ANK3: variants seen among roughly 807,000 people sequenced by gnomAD.
The protein encoded by ANK3 is ankyrin-3.
ANK3 carries 57 observed loss-of-function variants against 370.9 expected under a neutral mutation model. The observed-to-expected ratio is 0.15, with a 90% CI of 0.12 to 0.19. ANK3 has a LOEUF of 0.19. Ranked by LOEUF, ANK3 falls within the 10% of genes least tolerant of loss-of-function variation. The pLI is 1.00. For missense variants in ANK3, 4,439 were observed against 5,302.1 expected (o/e 0.84, Z 5.06); for synonymous variants, 1,929 against 1,946.3 (o/e 0.99, Z 0.23).
intron 2 of ANK3, among the ~76,000 whole-genome samples, chr10:60,493,079 C>CAAAAAAAA (rs1268736795): frequency 1.6e-5 from 2 of 121,562 alleles, no homozygotes; most frequent in African/African-American, 6.3e-5. Flanking sequence ...GACTCCTTCT[C>CAAAAAAAA]AAAAAAAAAA....
chr10:60,541,080 A>C (rs1389575936), intron 2 of ANK3, among the ~76,000 whole-genome samples: 1 of 151,988 alleles, frequency 6.6e-6, no homozygotes, highest in Non-Finnish European at 1.5e-5. Context: ...ATGTATTGGC[A>C]TGCAACCATG....
At chr10:60,665,323 C>T (rs181491681) in intron 1 of ANK3, among the ~76,000 whole-genome samples, 1 of 152,262 alleles carries the variant, frequency 6.6e-6, no homozygotes, top group African/African-American at 2.4e-5. Context: ...CATCAAAACG[C>T]AGTTATATTC....
At chr10:60,733,290 C>G (rs980077390) in exon 1 of ANK3, 42 of 1,238,132 alleles carry the variant, frequency 3.4e-5, no homozygotes, top group Non-Finnish European at 4.2e-5. Context: ...CCTCGGTGCC[C>G]GCGGGAGAGG....
chr10:60,114,237 G>A lies in ANK3; in HGVS notation c.2936C>T (p.Pro979Leu), dbSNP rs1427146694. 1 of 1,600,524 alleles carries A rather than the reference G, an allele frequency of 6.2e-7. No homozygotes were observed. Among genetic ancestry groups the A allele is most frequent in the Non-Finnish European group, 8.5e-7 (1 of 1,172,700 alleles). ...TTAGGTTACTTACCCAGAATGAATGGGGCTTGAAACAAGATTGACATTGTC... is the reference window on the plus strand; with the variant it reads ...TTAGGTTACTTACCCAGAATGAATGAGGCTTGAAACAAGATTGACATTGTC... Reference protein sequence around the residue: ...TLDNVNLVSSPIHSGFLVSFM... With the variant: ...TLDNVNLVSSLIHSGFLVSFM... Residue 979 changes from proline (P) to leucine (L), a missense_variant, in exon 26 of 44, where the codon CCC (proline) becomes CTC (leucine). By Grantham distance (98) the Pro-to-Leu change is moderately conservative (BLOSUM62 -3). Around this residue, in one of 13 missense-constraint regions of ANK3, gnomAD observed 702 missense variants for 941.5 expected, o/e 0.75. Coordinates refer to ENST00000280772, the MANE Select transcript of ANK3 (RefSeq NM_020987.5).
intron 25 of ANK3, among the ~76,000 whole-genome samples, chr10:60,131,740 A>AG (rs1353711541): frequency 6.6e-6 from 1 of 152,196 alleles, no homozygotes; most frequent in African/African-American, 2.4e-5. Flanking sequence ...GATGTGCAGA[A>AG]GGTGGGTGGT....
Position 60,070,136 on chromosome 10 carries a change from G to C in ANK3, c.10745C>G (p.Thr3582Arg). ...ATCAGTTGGCGTTCTGGCTGGCGTT[G>C]TATCAGGGGTTGTTGCTGGAGAGCG... is the stretch of plus-strand genomic sequence containing the variant. The part of the protein sequence containing the change: ...EDRSPATTPD[T>R]TPARTPTDES... Residue 3582 changes from threonine (T) to arginine (R), a missense_variant, in exon 37 of 44, where the codon ACA becomes AGA. Physicochemically the swap from Thr to Arg is moderately conservative, Grantham distance 71 (BLOSUM62 -1). This residue lies in a region of ANK3 where 1,601 missense variants were observed against 1,731.7 expected (regional missense o/e 0.92). Coordinates refer to ENST00000280772, the MANE Select transcript of ANK3 (RefSeq NM_020987.5). This position sits in a 1 kb window ranked among gnomAD's most constrained non-coding sequence, Gnocchi z 5.7. 1.9e-6 allele frequency: 3 copies of C among 1,614,170 alleles called. No individual in the cohort carries two copies. The highest frequency in any genetic ancestry group is 2.5e-6 in the Non-Finnish European group (3 of 1,180,000).
At chr10:60,048,528 T>G (rs2077316344) in intron 42 of ANK3, among the ~76,000 whole-genome samples, 1 of 152,180 alleles carries the variant, frequency 6.6e-6, no homozygotes, top group Non-Finnish European at 1.5e-5. Context: ...GATGCTCAAG[T>G]CCCAGATATA....
At chr10:60,517,317 C>T (rs1188014329) in intron 2 of ANK3, among the ~76,000 whole-genome samples, 1 of 152,032 alleles carries the variant, frequency 6.6e-6, no homozygotes, top group Non-Finnish European at 1.5e-5. Context: ...TGCACCTTGG[C>T]CTCCTAAAGT....
chr10:60,448,918 G>T (rs1205511379), intron 2 of ANK3, among the ~76,000 whole-genome samples: 1 of 152,210 alleles, frequency 6.6e-6, no homozygotes, highest in Non-Finnish European at 1.5e-5. Context: ...ATCCCTGGAT[G>T]CCCGACCTTT....
At chr10:60,242,637 G>A (rs918090249) in intron 7 of ANK3, among the ~76,000 whole-genome samples, 1 of 152,154 alleles carries the variant, frequency 6.6e-6, no homozygotes, top group Non-Finnish European at 1.5e-5. Context: ...CTGAGAATGT[G>A]CCTTATCCTT....
At chr10:60,207,938 CT>C in intron 10 of ANK3, 97 bp downstream of exon 10, 1 of 1,057,774 alleles carries the variant, frequency 9.5e-7, no homozygotes, top group Non-Finnish European at 1.4e-6. Flanking sequence ...TAACTAGCAC[CT>C]TCTATTTTAA....
chr10:60,566,905 C>T (rs2077477016), intron 2 of ANK3, among the ~76,000 whole-genome samples: 1 of 152,064 alleles, frequency 6.6e-6, no homozygotes, highest in Admixed American at 6.6e-5. Context: ...AAAAACCAGC[C>T]ACAGCATTTG....
chr10:60,488,655 A>G (rs1567085160), intron 2 of ANK3, among the ~76,000 whole-genome samples: 1 of 152,224 alleles, frequency 6.6e-6, no homozygotes, highest in Admixed American at 6.5e-5. Flanking sequence ...TATGAATGGA[A>G]TCATAAATCA....
intron 36 of ANK3, among the ~76,000 whole-genome samples, chr10:60,077,213 A>C (rs2084039124): frequency 6.6e-6 from 1 of 152,204 alleles, no homozygotes; most frequent in Non-Finnish European, 1.5e-5. Flanking sequence ...AACAAAGAAA[A>C]GGAATGTTTG....
rs530218836 is a variant in ANK3, at chr10:60,610,185, A to G, written c.96+5001T>C. Among the ~76,000 whole-genome samples, 46 of 152,330 alleles carry G rather than the reference A, an allele frequency of 3.0e-4. No homozygotes were observed. In the South Asian group the frequency reaches 9.1e-3, roughly 30 times the overall value. On this transcript the variant is annotated intron_variant, in intron 2 of 43. Coordinates refer to the ANK3 transcript ENST00000373827. Reference sequence around the variant, plus strand: ...TTAAATATTTACGAAGCATGAAAAAATATTCTATCCATTAGTAATCAAAGA... The same window carrying G: ...TTAAATATTTACGAAGCATGAAAAAGTATTCTATCCATTAGTAATCAAAGA...
chr10:60,287,732 T>G (rs1022344145), intron 1 of ANK3, among the ~76,000 whole-genome samples: 1 of 152,236 alleles, frequency 6.6e-6, no homozygotes, highest in African/African-American at 2.4e-5. Context: ...AACCCAAGTC[T>G]GCTTGATAGC....
intron 2 of ANK3, among the ~76,000 whole-genome samples, chr10:60,498,689 A>G (rs1346558811): frequency 6.6e-6 from 1 of 152,122 alleles, no homozygotes; most frequent in Non-Finnish European, 1.5e-5. Flanking sequence ...ATTATAGCCA[A>G]TGATAATATA....
chr10:60,574,443 G>A (rs1327875575), intron 2 of ANK3, among the ~76,000 whole-genome samples: 1 of 152,178 alleles, frequency 6.6e-6, no homozygotes, highest in Non-Finnish European at 1.5e-5. Flanking sequence ...TAATCATCAT[G>A]TTCTACATTT....
At chr10:60,079,595 C>T (rs548654132) in intron 36 of ANK3, among the ~76,000 whole-genome samples, 1 of 152,256 alleles carries the variant, frequency 6.6e-6, no homozygotes, top group Admixed American at 6.5e-5. Flanking sequence ...GAAACTGTGT[C>T]AGTGGGAAAC....
Sources: gnomAD v4.1 joint callset for allele counts (sites outside exome capture counted in the v4.1 genomes callset) on GRCh38, gnomAD v4.1.1 for gene constraint, gnomAD v4.1.1 regional missense constraint, Gnocchi (gnomAD v3.1) non-coding constraint, MANE v1.5 for transcripts, NCBI Gene and HGNC (gene_info 2026-07-23, HGNC 2026-07-21) for gene names.